The following GRAMD4 variants were observed in gnomAD, a reference collection of about 807,000 sequenced individuals.
GRAMD4 encodes GRAM domain containing 4.
GRAMD4 carries 25 observed loss-of-function variants against 83.9 expected under a neutral mutation model. The ratio of observed to expected loss-of-function variants is 0.30; its 90% CI spans 0.22 to 0.42. The LOEUF is 0.42. Among genes scored for constraint, GRAMD4 ranks in the 10% least tolerant of loss-of-function variants. The pLI, the probability that GRAMD4 is intolerant of heterozygous loss-of-function variation, is 1.00. For synonymous variants in GRAMD4, 336 were observed against 320.9 expected (o/e 1.05, Z -0.50); for missense variants, 593 against 788.7 (o/e 0.75, Z 2.97).
At chr22:46,674,032 C>A (rs754970029) in intron 15 of GRAMD4, among the ~76,000 whole-genome samples, 1 of 152,198 alleles carries the variant, frequency 6.6e-6, no homozygotes, top group African/African-American at 2.4e-5. Flanking sequence ...TGGGGAGAGC[C>A]GCCCACGCTG....
chr22:46,587,897 A>G, intron 1 of GRAMD4: 2 of 985,316 alleles, frequency 2.0e-6, no homozygotes, highest in Non-Finnish European at 2.4e-6. Flanking sequence ...GGAGGATGGT[A>G]CAGGGCTCCT....
At chr22:46,663,600 G>A (rs954589442) in intron 6 of GRAMD4, among the ~76,000 whole-genome samples, 2 of 152,232 alleles carry the variant, frequency 1.3e-5, no homozygotes, top group Admixed American at 1.3e-4. Flanking sequence ...GAGATGAGGG[G>A]ACGATTTCAT....
At chr22:46,597,071 C>T (rs1182106020) in intron 1 of GRAMD4, among the ~76,000 whole-genome samples, 2 of 152,118 alleles carry the variant, frequency 1.3e-5, no homozygotes, top group African/African-American at 4.8e-5. Flanking sequence ...TAAGTCCTGC[C>T]CTCCCCTGGG....
chr22:46,597,464 C>T (rs1368656666), intron 1 of GRAMD4, among the ~76,000 whole-genome samples: 2 of 152,054 alleles, frequency 1.3e-5, no homozygotes, highest in South Asian at 2.1e-4. Flanking sequence ...GATTTTCTGG[C>T]CTGGTTTCAT....
intron 1 of GRAMD4, among the ~76,000 whole-genome samples, chr22:46,584,808 C>T (rs566823668): frequency 1.9e-4 from 29 of 152,340 alleles, no homozygotes; most frequent in Admixed American, 5.9e-4. Flanking sequence ...GGGACGGGCA[C>T]GGGCTTGGCG....
chr22:46,604,424 A>T (rs927511202), intron 1 of GRAMD4, among the ~76,000 whole-genome samples: 1 of 152,134 alleles, frequency 6.6e-6, no homozygotes, highest in African/African-American at 2.4e-5. Context: ...CGTCTTAACC[A>T]TTTCGGAGTG....
Position 46,626,912 on chromosome 22 carries a change from T to C in GRAMD4, c.113T>C (p.Leu38Pro). The C allele has an allele frequency of 6.2e-7, 1 of 1,614,158 alleles. No homozygotes were observed. Reference protein sequence around the residue: ...SDTECSDEIPLKVPRTSPRDS... With the variant: ...SDTECSDEIPPKVPRTSPRDS... Reference sequence around the variant, plus strand: ...ACCGAATGCAGCGACGAAATCCCCCTGAAGGTACCGCGGACCTCGCCCCGG... The same window carrying C: ...ACCGAATGCAGCGACGAAATCCCCCCGAAGGTACCGCGGACCTCGCCCCGG... Residue 38 changes from leucine to proline, a missense_variant, in exon 2 of 19, where the codon CTG becomes CCG. Physicochemically the swap from Leu to Pro is moderately conservative, Grantham distance 98. Transcript: ENST00000406902.
chr22:46,649,326 G>A (rs1360604788), intron 3 of GRAMD4, among the ~76,000 whole-genome samples: 1 of 152,198 alleles, frequency 6.6e-6, no homozygotes. Flanking sequence ...GGTTGGAAAG[G>A]GAGGTTGTGG....
intron 2 of GRAMD4, among the ~76,000 whole-genome samples, chr22:46,633,127 G>A (rs1373673535): frequency 6.6e-6 from 1 of 152,228 alleles, no homozygotes; most frequent in African/African-American, 2.4e-5. Context: ...GGAACAGGGT[G>A]GCACGGTCCA....
At chr22:46,584,430 G>A (rs769140638) in intron 1 of GRAMD4, among the ~76,000 whole-genome samples, 7 of 152,154 alleles carry the variant, frequency 4.6e-5, no homozygotes, top group Non-Finnish European at 8.8e-5. Flanking sequence ...GTGTGAGTTC[G>A]CGCCGCTGAT....
chr22:46,626,743 T>A lies in GRAMD4; in HGVS notation c.-49-8T>A. ...GAGCGGGAGAGTGACCACGCCCCTCTCTTGCAGGGAACCCGAGCGTCATGT... is the reference window on the plus strand; with the variant it reads ...GAGCGGGAGAGTGACCACGCCCCTCACTTGCAGGGAACCCGAGCGTCATGT... On this transcript the variant is annotated splice_region_variant and splice_polypyrimidine_tract_variant and intron_variant, in intron 1 of 18. Coordinates refer to ENST00000406902, the MANE Select transcript of GRAMD4 (RefSeq NM_015124.5). 6.3e-7 allele frequency: 1 copy of A among 1,585,568 alleles called. No individual in the cohort carries two copies.
chr22:46,637,647 G>A (rs919190826), intron 2 of GRAMD4, among the ~76,000 whole-genome samples, 193 bp from the exon 3 acceptor site: 1 of 152,178 alleles, frequency 6.6e-6, no homozygotes, highest in Non-Finnish European at 1.5e-5. Context: ...GACAGACACG[G>A]GTCTTATGCT....
At chr22:46,643,121 A>ATCCG (rs1569283760) in intron 3 of GRAMD4, among the ~76,000 whole-genome samples, 1 of 75,762 alleles carries the variant, frequency 1.3e-5, no homozygotes, top group Admixed American at 1.5e-4. Context: ...CCATCCATCC[A>ATCCG]TGCATCCATC....
intron 2 of GRAMD4, among the ~76,000 whole-genome samples, chr22:46,633,576 T>C (rs2081809863): frequency 6.6e-6 from 1 of 152,188 alleles, no homozygotes; most frequent in African/African-American, 2.4e-5. Flanking sequence ...CCGGCCCTGC[T>C]TTCTCCGTGG....
intron 1 of GRAMD4, among the ~76,000 whole-genome samples, chr22:46,601,838 G>A (rs2043961578): frequency 6.6e-6 from 1 of 152,110 alleles, no homozygotes; most frequent in South Asian, 2.1e-4. Context: ...GTTTACTGTG[G>A]AATAGTTGAT....
intron 1 of GRAMD4, among the ~76,000 whole-genome samples, chr22:46,585,761 G>C (rs1436048365): frequency 6.6e-6 from 1 of 152,236 alleles, no homozygotes; most frequent in Non-Finnish European, 1.5e-5. Flanking sequence ...CTGCCAGGGA[G>C]GGAGCGACAA....
At chr22:46,653,989 G>A (rs2082205259) in intron 3 of GRAMD4, among the ~76,000 whole-genome samples, 1 of 152,226 alleles carries the variant, frequency 6.6e-6, no homozygotes, top group South Asian at 2.1e-4. Context: ...TCCCCAGCTG[G>A]CTCCGAATTT....
At position 46,580,955 on chromosome 22, in the gene GRAMD4, G is replaced by A. The variant is rs1477294130; in HGVS notation, c.-50+3665G>A. Among the ~76,000 whole-genome samples the A allele has an allele frequency of 3.9e-3, 437 of 112,678 alleles. 3 individuals are homozygous for A. The highest frequency in any genetic ancestry group is 0.014 in the African/African-American group (422 of 30,400). 73.9% of individuals were successfully genotyped at this position (112,678 alleles called of 152,430 possible). A position where few individuals can be genotyped will look rare whatever the true frequency, so the allele number is the denominator to read the frequency against. On this transcript the variant is annotated intron_variant, in intron 1 of 1. Coordinates refer to the GRAMD4 transcript ENST00000431155. ...GCACTCCAGCCTGGGCAACAAGAGC[G>A]AAACTCCATCTCAAAAAAAAAAAAA...
intron 1 of GRAMD4, among the ~76,000 whole-genome samples, chr22:46,595,165 G>T (rs1451069581): frequency 6.6e-6 from 1 of 152,160 alleles, no homozygotes; most frequent in African/African-American, 2.4e-5. Flanking sequence ...AGTGAAGTCA[G>T]TGGCAGGCAC....
Sources: allele counts gnomAD v4.1 joint callset (sites outside exome capture counted in the v4.1 genomes callset), GRCh38; gene constraint gnomAD v4.1.1; transcripts MANE v1.5; gene names NCBI Gene and HGNC (gene_info 2026-07-23, HGNC 2026-07-21).